Variants in MYO1D observed in about 807,000 individuals in gnomAD.
MYO1D encodes myosin ID.
A neutral mutation model predicts 122.0 loss-of-function variants in MYO1D; 83 were observed. The ratio of observed to expected loss-of-function variants is 0.68; its 90% confidence interval spans 0.57 to 0.82. MYO1D has a LOEUF of 0.82. Ranked by LOEUF, MYO1D falls within the 40% of genes least tolerant of loss-of-function variation. The pLI, the probability that MYO1D is intolerant of heterozygous loss-of-function variation, is 0.00. For synonymous variants in MYO1D, 464 were observed against 446.9 expected, an observed-to-expected ratio of 1.04 and a Z score of -0.48; for missense variants, 1,157 against 1,269.5, an observed-to-expected ratio of 0.91 and a Z score of 1.35.
At position 32,738,378 on chromosome 17, in the gene MYO1D, G is replaced by C. The variant is rs1297680564; in HGVS notation, c.1621C>G (p.Pro541Ala). 6.3e-7 allele frequency: 1 copy of C among 1,584,328 alleles called. No individual in the cohort carries two copies. The highest frequency in any genetic ancestry group is 1.4e-5 in the African/African-American group (1 of 73,902). Residue 541 changes from proline to alanine, a missense_variant, in exon 14 of 22, where the codon CCT (proline) becomes GCT (alanine). Pro to Ala is a conservative substitution (Grantham distance 27). Transcript: ENST00000318217. ...FKRLMYNSSN[P>A]VLKNMWPEGK... ...TCAGGCCACATATTCTTGAGCACAG[G>C]ATTTGAACTGAGAAGCACAGAAAAA... is the stretch of plus-strand genomic sequence containing the variant.
chr17:32,625,147 C>T (rs982808854), intron 20 of MYO1D, among the ~76,000 whole-genome samples: 1 of 152,114 alleles, frequency 6.6e-6, no homozygotes, highest in Non-Finnish European at 1.5e-5. Flanking sequence ...AGACCAGGGC[C>T]AATACAAACA....
At chr17:32,755,855 C>G in intron 10 of MYO1D, 193 bp from the exon 11 acceptor site, 1 of 492,772 alleles carries the variant, frequency 2.0e-6, no homozygotes, top group Non-Finnish European at 3.6e-6. Flanking sequence ...TCTTTGTTAA[C>G]TTTCTATCAT....
At chr17:32,698,172 G>T (rs547637733) in intron 16 of MYO1D, among the ~76,000 whole-genome samples, 1 of 152,172 alleles carries the variant, frequency 6.6e-6, no homozygotes, top group South Asian at 2.1e-4. Flanking sequence ...GAATAGTAAA[G>T]TATCCAGAGT....
intron 1 of MYO1D, among the ~76,000 whole-genome samples, chr17:32,802,746 T>C (rs1193253199): frequency 6.6e-6 from 1 of 152,216 alleles, no homozygotes; most frequent in South Asian, 2.1e-4. Context: ...CTATAACATA[T>C]ATATACATAC....
chr17:32,820,910 T>G (rs1022860190), intron 1 of MYO1D, among the ~76,000 whole-genome samples: 2 of 152,230 alleles, frequency 1.3e-5, no homozygotes, highest in Admixed American at 1.3e-4. Context: ...GGGGTACATA[T>G]GCAGGTTTGT....
At chr17:32,619,331 C>A (rs2087823421) in intron 20 of MYO1D, among the ~76,000 whole-genome samples, 1 of 152,180 alleles carries the variant, frequency 6.6e-6, no homozygotes, top group Non-Finnish European at 1.5e-5. Flanking sequence ...TAATCAAATT[C>A]ATCACAAGGG....
chr17:32,700,943 C>CAAAAAAAAAAAAAAAAA, intron 16 of MYO1D, among the ~76,000 whole-genome samples: 1 of 78,220 alleles, frequency 1.3e-5, no homozygotes, highest in Non-Finnish European at 2.6e-5. Context: ...GACTCCATCT[C>CAAAAAAAAAAAAAAAAA]AAAAAAAAAA....
chr17:32,730,170 A>G (rs1244108994), intron 14 of MYO1D, among the ~76,000 whole-genome samples: 3 of 137,222 alleles, frequency 2.2e-5, no homozygotes, highest in African/African-American at 8.1e-5. Flanking sequence ...TATAACCTCT[A>G]TTTTCTACTA....
intron 21 of MYO1D, among the ~76,000 whole-genome samples, chr17:32,587,888 T>C (rs1454301996): frequency 6.6e-6 from 1 of 152,228 alleles, no homozygotes; most frequent in African/African-American, 2.4e-5. Context: ...AAACGGACCA[T>C]TCCTTAAACT....
At chr17:32,724,066 T>TA (rs1297810625) in intron 14 of MYO1D, among the ~76,000 whole-genome samples, 4 of 152,170 alleles carry the variant, frequency 2.6e-5, no homozygotes, top group African/African-American at 9.7e-5. Flanking sequence ...TAGCTCACTT[T>TA]AAAAAATGGC....
intron 21 of MYO1D, chr17:32,504,876 G>A (rs1909443347): frequency 6.6e-6 from 1 of 152,334 alleles, no homozygotes; most frequent in African/African-American, 2.4e-5. Flanking sequence ...GCAGTGAGAG[G>A]TGTCGTCTGC....
At chr17:32,795,980 C>T (rs530792302) in intron 1 of MYO1D, among the ~76,000 whole-genome samples, 1 of 152,090 alleles carries the variant, frequency 6.6e-6, no homozygotes, top group Non-Finnish European at 1.5e-5. Context: ...AGCGCGCTCT[C>T]GGGGTTCGAA....
intron 8 of MYO1D, among the ~76,000 whole-genome samples, chr17:32,763,432 A>G (rs2151018064): frequency 6.6e-6 from 1 of 152,342 alleles, no homozygotes; most frequent in Admixed American, 6.5e-5. Flanking sequence ...TGATATGCTA[A>G]GAACACTTAG....
chr17:32,649,876 C>T (rs899290277), intron 19 of MYO1D, among the ~76,000 whole-genome samples: 3 of 152,004 alleles, frequency 2.0e-5, no homozygotes, highest in African/African-American at 7.2e-5. Flanking sequence ...CTGGCCTATA[C>T]CACATTTTCT....
chr17:32,860,762 A>G (rs941392103), intron 1 of MYO1D, among the ~76,000 whole-genome samples: 1 of 152,204 alleles, frequency 6.6e-6, no homozygotes, highest in Admixed American at 6.5e-5. Flanking sequence ...AGACTAGTAA[A>G]AAGTCCTGAC....
chr17:32,669,083 G>A lies in MYO1D; in HGVS notation c.2122-9745C>T, dbSNP rs549261025. 3.9e-5 allele frequency among the ~76,000 whole-genome samples: 6 copies of A among 152,262 alleles called. No homozygotes were observed. The South Asian group carries it at 8.3e-4, about 21-fold the overall frequency. On this transcript the variant is annotated intron_variant, in intron 16 of 21. Coordinates refer to ENST00000318217, the MANE Select transcript of MYO1D (RefSeq NM_015194.3). ...CTGACTACAGATTTCTTTGTACACA[G>A]AGTACTAATGTTGAAGGGGATCAGG...
At chr17:32,549,621 C>T (rs143819181) in intron 21 of MYO1D, among the ~76,000 whole-genome samples, 45 of 152,194 alleles carry the variant, frequency 3.0e-4, no homozygotes, top group Non-Finnish European at 4.0e-4. Context: ...AGTTGGATGC[C>T]ATGCTAGGAG....
chr17:32,543,450 C>T (rs1043758478), intron 21 of MYO1D, among the ~76,000 whole-genome samples: 2 of 150,438 alleles, frequency 1.3e-5, no homozygotes, highest in African/African-American at 2.4e-5. Context: ...GTGGCGGGCC[C>T]CTGTAGTCCC....
chr17:32,717,022 A>G (rs1168930887), intron 15 of MYO1D, among the ~76,000 whole-genome samples: 1 of 152,250 alleles, frequency 6.6e-6, no homozygotes, highest in Non-Finnish European at 1.5e-5. Context: ...TCAAACCTAA[A>G]CTACTTGCAA....
Sources: allele counts gnomAD v4.1 joint callset (sites outside exome capture counted in the v4.1 genomes callset), GRCh38; gene constraint gnomAD v4.1.1; transcripts MANE v1.5; gene names NCBI Gene and HGNC (gene_info 2026-07-23, HGNC 2026-07-21).